STRADB: variants seen among roughly 807,000 people sequenced by gnomAD.
STRADB encodes the protein STE20 related adaptor beta.
Under a neutral mutation model 52.1 loss-of-function variants are expected in STRADB, and 34 were observed. That is an observed-to-expected ratio of 0.65 (90% CI 0.50 to 0.87). The LOEUF is 0.87. Ranked by LOEUF, STRADB falls within the 40% of genes least tolerant of loss-of-function variation. The probability of loss-of-function intolerance (pLI) is 0.00; values close to 1 mark genes in which losing one functional copy is unlikely to be tolerated. For missense variants in STRADB, 340 were observed against 483.9 expected (o/e 0.70, Z 2.79); for synonymous variants, 133 against 174.5 (o/e 0.76, Z 1.87).
chr2:201,470,420 A>C (rs1414167837), intron 4 of STRADB, among the ~76,000 whole-genome samples: 1 of 152,266 alleles, frequency 6.6e-6, no homozygotes, highest in East Asian at 1.9e-4. Flanking sequence ...ATTGCTTCTC[A>C]GTTTAAAAAT....
chr2:201,452,801 G>C (rs1401229342), intron 1 of STRADB, among the ~76,000 whole-genome samples: 1 of 152,154 alleles, frequency 6.6e-6, no homozygotes, highest in Non-Finnish European at 1.5e-5. Context: ...TCTACAGAAA[G>C]TGTTAATCTT....
Position 201,451,805 on chromosome 2 carries a change from C to T in STRADB, c.-229C>T, listed in dbSNP as rs1477082934. On this transcript the variant is annotated 5_prime_UTR_variant, in exon 1 of 12. Coordinates refer to ENST00000194530, the MANE Select transcript of STRADB (RefSeq NM_018571.6). Reference sequence around the variant, plus strand: ...CCCACGGCCCCGGTCGCGGCCTCGCCGCCCTCCCGCGCCCCGCGCCGGGAG... The same window carrying T: ...CCCACGGCCCCGGTCGCGGCCTCGCTGCCCTCCCGCGCCCCGCGCCGGGAG... 1 of 152,178 alleles carries T rather than the reference C, an allele frequency of 6.6e-6. No individual in the cohort carries two copies. The highest frequency in any genetic ancestry group is 2.4e-5 in the African/African-American group (1 of 41,526). The allele number at this position is 152,178 out of a possible 1,614,324, so 9.4% of individuals were successfully genotyped here.
intron 5 of STRADB, among the ~76,000 whole-genome samples, chr2:201,473,573 G>A (rs1952423737): frequency 6.6e-6 from 1 of 152,148 alleles, no homozygotes; most frequent in African/African-American, 2.4e-5. Flanking sequence ...AAGAATACTT[G>A]GAAGCCAGGT....
At chr2:201,464,465 G>A (rs896760337) in intron 3 of STRADB, among the ~76,000 whole-genome samples, 1 of 152,156 alleles carries the variant, frequency 6.6e-6, no homozygotes. Context: ...TCCATGCTGA[G>A]CTGCCTGGAG....
chr2:201,470,344 G>T (rs1163523552), intron 4 of STRADB, among the ~76,000 whole-genome samples: 1 of 152,132 alleles, frequency 6.6e-6, no homozygotes, highest in African/African-American at 2.4e-5. Context: ...TATTTTATGG[G>T]TATAATTTCT....
At chr2:201,458,983 G>A in intron 3 of STRADB, 119 bp downstream of exon 3, 1 of 753,586 alleles carries the variant, frequency 1.3e-6, no homozygotes, top group Non-Finnish European at 2.2e-6. Context: ...GCAACATAGT[G>A]AGATCTCATC....
At chr2:201,458,938 A>G in intron 3 of STRADB, 74 bp downstream of exon 3, 1 of 1,353,006 alleles carries the variant, frequency 7.4e-7, no homozygotes, top group Non-Finnish European at 1.0e-6. Context: ...AAGGCAGGAG[A>G]ATCACTTGAG....
At chr2:201,479,241 C>A in intron 10 of STRADB, 1 of 412,522 alleles carries the variant, frequency 2.4e-6, no homozygotes, top group East Asian at 4.8e-5. Flanking sequence ...TGCTGCTACC[C>A]TACTAAGTTA....
chr2:201,475,273 A>C (rs1952453944), intron 6 of STRADB, among the ~76,000 whole-genome samples: 1 of 152,194 alleles, frequency 6.6e-6, no homozygotes, highest in South Asian at 2.1e-4. Context: ...AATTGTGTTG[A>C]ATAAATAGTG....
intron 2 of STRADB, among the ~76,000 whole-genome samples, chr2:201,457,804 G>C (rs1040685246): frequency 6.6e-6 from 1 of 152,116 alleles, no homozygotes; most frequent in African/African-American, 2.4e-5. Context: ...CGGAACACTT[G>C]ATTGAGGTCA....
chr2:201,473,146 C>A, intron 5 of STRADB, 70 bp downstream of exon 5: 2 of 1,362,920 alleles, frequency 1.5e-6, no homozygotes, highest in Non-Finnish European at 2.0e-6. Flanking sequence ...GCAGATTCAA[C>A]CAATTGTGAA....
intron 5 of STRADB, among the ~76,000 whole-genome samples, chr2:201,473,419 C>T (rs1253546049): frequency 6.6e-6 from 1 of 152,058 alleles, no homozygotes; most frequent in African/African-American, 2.4e-5. Context: ...AACCAATGCT[C>T]CATGGATACT....
chr2:201,479,889 A>T, intron 11 of STRADB, 143 bp from the exon 12 acceptor site: 1 of 983,694 alleles, frequency 1.0e-6, no homozygotes, highest in Non-Finnish European at 1.5e-6. Flanking sequence ...TCAGATGACC[A>T]GAATCAAAGG....
intron 2 of STRADB, chr2:201,457,573 A>G (rs1952146208): frequency 6.6e-6 from 1 of 152,226 alleles, no homozygotes; most frequent in Admixed American, 6.5e-5. Context: ...GACAATGACT[A>G]GTTTGATTAG....
intron 7 of STRADB, 100 bp downstream of exon 7, chr2:201,475,842 T>C (rs1363456710): frequency 4.6e-6 from 6 of 1,305,210 alleles, no homozygotes; most frequent in Admixed American, 2.4e-5. Flanking sequence ...AAAAAAGGGA[T>C]AGGAAACTTG....
chr2:201,472,567 A>G (rs1952406657), intron 4 of STRADB, among the ~76,000 whole-genome samples: 1 of 152,214 alleles, frequency 6.6e-6, no homozygotes, highest in Non-Finnish European at 1.5e-5. Flanking sequence ...GGTGGTTGCC[A>G]GGGACTGGGA....
At chr2:201,468,112 A>C in intron 3 of STRADB, among the ~76,000 whole-genome samples, 1 of 63,122 alleles carries the variant, frequency 1.6e-5, no homozygotes, top group Non-Finnish European at 3.3e-5. Flanking sequence ...TTTTTTTGGT[A>C]ATTAGCTATG....
At chr2:201,471,003 G>A (rs920453856) in intron 4 of STRADB, among the ~76,000 whole-genome samples, 3 of 152,146 alleles carry the variant, frequency 2.0e-5, no homozygotes, top group African/African-American at 7.2e-5. Context: ...GCCACCAGAC[G>A]CTGGCCCCCT....
Position 201,472,221 on chromosome 2 carries a change from G to A in STRADB, c.194-734G>A, listed in dbSNP as rs1473153414. ...CAACTTCTTATAACGTTAAGCATAT[G>A]TTTATCACATGACCCAGCAATCTCA... On this transcript the variant is annotated intron_variant, in intron 4 of 11. Coordinates refer to ENST00000194530, the MANE Select transcript of STRADB (RefSeq NM_018571.6). Among the ~76,000 whole-genome samples, 4 of 152,294 alleles carry A rather than the reference G, an allele frequency of 2.6e-5. No individual in the cohort carries two copies. In the South Asian group the frequency reaches 8.3e-4, roughly 32 times the overall value.
Sources: gnomAD v4.1 joint callset for allele counts (sites outside exome capture counted in the v4.1 genomes callset) on GRCh38, gnomAD v4.1.1 for gene constraint, MANE v1.5 for transcripts, NCBI Gene and HGNC (gene_info 2026-07-23, HGNC 2026-07-21) for gene names.